The following AOPEP variants were observed in gnomAD, a reference collection of about 807,000 sequenced individuals.
The protein encoded by AOPEP is aminopeptidase O.
In AOPEP, 77 loss-of-function variants were observed where a neutral mutation model predicts 98.1. The ratio of observed to expected loss-of-function variants is 0.78; its 90% CI spans 0.65 to 0.95. The LOEUF is 0.95. Ranked by LOEUF, AOPEP falls within the 40% of genes least tolerant of loss-of-function variation. The pLI, the probability that AOPEP is intolerant of heterozygous loss-of-function variation, is 0.00. For missense variants in AOPEP, 1,024 were observed against 1,024.7 expected (o/e 1.00, Z 0.01); for synonymous variants, 346 against 365.3 (o/e 0.95, Z 0.60).
intron 5 of AOPEP, among the ~76,000 whole-genome samples, chr9:94,845,130 T>C (rs2042704123): frequency 6.6e-6 from 1 of 152,142 alleles, no homozygotes; most frequent in East Asian, 1.9e-4. Flanking sequence ...ATGAAAGCAC[T>C]ATGAAGAGAA....
the AOPEP span, among the ~76,000 whole-genome samples, chr9:95,141,033 G>A: frequency 6.6e-6 from 1 of 152,026 alleles, no homozygotes; most frequent in Non-Finnish European, 1.5e-5. Flanking sequence ...GATGTGGCTG[G>A]GCACAGTGTC....
intron 5 of AOPEP, among the ~76,000 whole-genome samples, chr9:94,913,526 AG>A (rs1205948367): frequency 6.6e-6 from 1 of 152,228 alleles, no homozygotes; most frequent in Non-Finnish European, 1.5e-5. Context: ...TATTCTTAAA[AG>A]TTCAATTATT....
intron 14 of AOPEP, among the ~76,000 whole-genome samples, chr9:95,069,481 T>C (rs2068256818): frequency 6.6e-6 from 1 of 151,872 alleles, no homozygotes; most frequent in Admixed American, 6.5e-5. Context: ...AGAGTCTTAG[T>C]ATGGAAGGAA....
At chr9:95,123,642 T>C in the AOPEP span, 25 of 617,282 alleles carry the variant, frequency 4.1e-5, no homozygotes, top group Admixed American at 7.4e-5. Context: ...AAATTCATCA[T>C]TGGAAACACA....
Position 94,979,399 on chromosome 9 carries a change from A to C in AOPEP, c.1949A>C (p.Asp650Ala). The change falls in exon 11 of 17, where the codon GAC becomes GCC. Residue 650 changes from aspartate to alanine, a missense_variant. Coordinates refer to ENST00000375315, the MANE Select transcript of AOPEP (RefSeq NM_001193329.3). ...CTGTCTGTTGAAAACATCTACCAAGACTGGCTTGAGAGTTCCGGAATACCA... is the reference window on the plus strand; with the variant it reads ...CTGTCTGTTGAAAACATCTACCAAGCCTGGCTTGAGAGTTCCGGAATACCA... ...LELSVENIYQDWLESSGIPKP... is the reference protein window; with the variant it reads ...LELSVENIYQAWLESSGIPKP... The C allele has an allele frequency of 6.2e-7, 1 of 1,602,396 alleles. No individual in the cohort carries two copies. Among genetic ancestry groups the C allele is most frequent in the Non-Finnish European group, 8.5e-7 (1 of 1,172,550 alleles).
the AOPEP span, among the ~76,000 whole-genome samples, chr9:95,147,961 C>T: frequency 6.6e-6 from 1 of 152,096 alleles, no homozygotes; most frequent in Non-Finnish European, 1.5e-5. Flanking sequence ...ACTTAAAGTA[C>T]TGAATAACTA....
At chr9:95,117,605 A>AAAATAAC in the AOPEP span, among the ~76,000 whole-genome samples, 2 of 151,822 alleles carry the variant, frequency 1.3e-5, no homozygotes, top group Non-Finnish European at 2.9e-5. Context: ...CTGGGACTTA[A>AAAATAAC]AAATTTATGC....
At chr9:94,793,488 C>T (rs1348069812) in intron 4 of AOPEP, among the ~76,000 whole-genome samples, 1 of 151,894 alleles carries the variant, frequency 6.6e-6, no homozygotes, top group East Asian at 1.9e-4. Context: ...GCCAGCCTGG[C>T]CAACATGGTG....
intron 9 of AOPEP, among the ~76,000 whole-genome samples, chr9:94,957,525 A>C (rs1351039926): frequency 6.6e-6 from 1 of 152,156 alleles, no homozygotes; most frequent in Non-Finnish European, 1.5e-5. Flanking sequence ...CTCTTTTGAA[A>C]AGCTTCATTG....
At chr9:94,887,194 A>C (rs564790323) in intron 5 of AOPEP, among the ~76,000 whole-genome samples, 1 of 152,192 alleles carries the variant, frequency 6.6e-6, no homozygotes, top group South Asian at 2.1e-4. Context: ...AAAATTAAAA[A>C]AAAATTAGTC....
downstream of AOPEP, among the ~76,000 whole-genome samples, chr9:95,088,784 C>A (rs1260889946): frequency 6.6e-6 from 1 of 152,258 alleles, no homozygotes; most frequent in Admixed American, 6.5e-5. Flanking sequence ...GGGTTCTGCA[C>A]AAAGACCACT....
chr9:95,079,310 C>G (rs1269781367), intron 14 of AOPEP, among the ~76,000 whole-genome samples: 2 of 152,234 alleles, frequency 1.3e-5, no homozygotes, highest in African/African-American at 2.4e-5. Context: ...ATGTCATTTA[C>G]AGGGGCCCTC....
At chr9:94,771,266 G>A (rs1416439677) in intron 2 of AOPEP, among the ~76,000 whole-genome samples, 2 of 152,144 alleles carry the variant, frequency 1.3e-5, no homozygotes, top group African/African-American at 2.4e-5. Context: ...CAAATTAGGT[G>A]CTTATTGAAC....
At chr9:94,989,471 G>A (rs1440936951) in intron 11 of AOPEP, among the ~76,000 whole-genome samples, 1 of 152,000 alleles carries the variant, frequency 6.6e-6, no homozygotes, top group Non-Finnish European at 1.5e-5. Flanking sequence ...TCCTAACCTC[G>A]TGATTTGCCT....
rs112066413 is a variant in AOPEP, at chr9:94,919,482, C to A, written c.1365-4504C>A. Among the ~76,000 whole-genome samples the A allele has an allele frequency of 5.9e-5, 9 of 152,308 alleles. No individual in the cohort carries two copies. The East Asian group carries it at 7.7e-4, about 13-fold the overall frequency. ...TGCCAGGCTGTCTGGGCCACCCCCC[C>A]ACTTTGGCTTCAGGACTACAGAAGC... On this transcript the variant is annotated intron_variant, in intron 5 of 16. Coordinates refer to ENST00000375315, the MANE Select transcript of AOPEP (RefSeq NM_001193329.3).
chr9:94,993,939 C>T (rs1389888352), intron 11 of AOPEP, among the ~76,000 whole-genome samples: 1 of 152,158 alleles, frequency 6.6e-6, no homozygotes, highest in East Asian at 1.9e-4. Context: ...GGTCTGTTTC[C>T]CTGGGACGCA....
chr9:95,069,968 T>C (rs1375988144), intron 14 of AOPEP, among the ~76,000 whole-genome samples: 1 of 152,278 alleles, frequency 6.6e-6, no homozygotes, highest in African/African-American at 2.4e-5. Flanking sequence ...TAATTTCCTT[T>C]AGTTTAAAAA....
chr9:95,135,223 A>C, the AOPEP span: 1 of 957,264 alleles, frequency 1.0e-6, no homozygotes, highest in Non-Finnish European at 1.7e-6. Context: ...TAAATACACG[A>C]TTATATATAA....
chr9:95,147,739 A>G, the AOPEP span, among the ~76,000 whole-genome samples: 14 of 152,222 alleles, frequency 9.2e-5, no homozygotes, highest in Non-Finnish European at 1.8e-4. Flanking sequence ...TAACTGCCAC[A>G]TCAGTTTGAG....
Sources: gnomAD v4.1 joint callset for allele counts (sites outside exome capture counted in the v4.1 genomes callset) on GRCh38, gnomAD v4.1.1 for gene constraint, MANE v1.5 for transcripts, NCBI Gene and HGNC (gene_info 2026-07-23, HGNC 2026-07-21) for gene names.